The following MARCHF1 variants were observed in gnomAD, a reference collection of about 807,000 sequenced individuals.
The protein encoded by MARCHF1 is membrane associated ring-CH-type finger 1, also known as E3 ubiquitin-protein ligase MARCHF1.
MARCHF1 carries 40 observed loss-of-function variants against 54.2 expected under a neutral mutation model. The ratio of observed to expected loss-of-function variants is 0.74; its 90% CI spans 0.57 to 0.96. The LOEUF (loss-of-function observed/expected upper bound fraction) is 0.96. Among genes scored for constraint, MARCHF1 ranks in the 40% least tolerant of loss-of-function variants. The pLI is 0.00. For missense variants in MARCHF1, 586 were observed against 656.5 expected, an observed-to-expected ratio of 0.89 and a Z score of 1.17; for synonymous variants, 236 against 236.3, an observed-to-expected ratio of 1.00 and a Z score of 0.01.
chr4:163,766,324 T>A (rs567921834), intron 4 of MARCHF1, among the ~76,000 whole-genome samples: 5 of 152,260 alleles, frequency 3.3e-5, no homozygotes, highest in Non-Finnish European at 5.9e-5. Context: ...AGAAGTCCTA[T>A]AATGCTTATG....
intron 5 of MARCHF1, among the ~76,000 whole-genome samples, chr4:163,653,580 A>C (rs537120014): frequency 6.6e-6 from 1 of 151,830 alleles, no homozygotes; most frequent in South Asian, 2.1e-4. Context: ...GGTTGGATTT[A>C]GGACATATGC....
chr4:163,731,510 C>G (rs1745829494), intron 4 of MARCHF1, among the ~76,000 whole-genome samples: 1 of 152,126 alleles, frequency 6.6e-6, no homozygotes, highest in Admixed American at 6.6e-5. Flanking sequence ...GAGGGAAAAC[C>G]CAGGCAGTGA....
intron 1 of MARCHF1, among the ~76,000 whole-genome samples, chr4:164,305,678 T>G (rs1734677510): frequency 6.6e-6 from 1 of 152,174 alleles, no homozygotes; most frequent in Non-Finnish European, 1.5e-5. Flanking sequence ...TGACTAATAG[T>G]GAAAACTTCT....
At chr4:163,929,927 A>G (rs1442956462) in intron 3 of MARCHF1, among the ~76,000 whole-genome samples, 1 of 88,624 alleles carries the variant, frequency 1.1e-5, no homozygotes, top group Non-Finnish European at 2.1e-5. Context: ...TAATATATAT[A>G]ATATATTATA....
At chr4:163,737,192 G>GT (rs1746065662) in intron 4 of MARCHF1, among the ~76,000 whole-genome samples, 2 of 79,796 alleles carry the variant, frequency 2.5e-5, no homozygotes, top group Admixed American at 1.2e-4. Context: ...TCACATATTA[G>GT]TTTATTTATT....
chr4:163,924,386 A>G (rs1751495428), intron 3 of MARCHF1, among the ~76,000 whole-genome samples: 1 of 152,076 alleles, frequency 6.6e-6, no homozygotes, highest in Non-Finnish European at 1.5e-5. Flanking sequence ...ACTTGCATGT[A>G]AAATGTGGAC....
At chr4:164,336,660 A>C (rs1365844595) in intron 1 of MARCHF1, among the ~76,000 whole-genome samples, 1 of 152,212 alleles carries the variant, frequency 6.6e-6, no homozygotes, top group Non-Finnish European at 1.5e-5. Context: ...CTGTATAAGC[A>C]CTGCTTTTAT....
rs147750965 is a variant in MARCHF1 at position 163,995,244 on chromosome 4, G to T, written c.-247-6535C>A. Among the ~76,000 whole-genome samples, 33 of 152,166 alleles carry T rather than the reference G, an allele frequency of 2.2e-4. No individual in the cohort carries two copies. In the East Asian group the frequency reaches 6.4e-3, roughly 29 times the overall value. ...CTCAGGGAAATATTCAGGTGTATGGGTTTATTACAGAGGATACAGATGAAG... is the reference window on the plus strand; with the variant it reads ...CTCAGGGAAATATTCAGGTGTATGGTTTTATTACAGAGGATACAGATGAAG... On this transcript the variant is annotated intron_variant, in intron 2 of 9. Coordinates refer to ENST00000514618, the MANE Select transcript of MARCHF1 (RefSeq NM_001394959.1).
chr4:163,803,385 C>G (rs1748136263), intron 4 of MARCHF1, among the ~76,000 whole-genome samples: 1 of 149,788 alleles, frequency 6.7e-6, no homozygotes, highest in African/African-American at 2.5e-5. Context: ...GTTGGCCCGG[C>G]TGGTCTTGAA....
At chr4:163,970,167 AT>A (rs1752521491) in intron 3 of MARCHF1, among the ~76,000 whole-genome samples, 1 of 152,214 alleles carries the variant, frequency 6.6e-6, no homozygotes, top group Non-Finnish European at 1.5e-5. Context: ...TGTTAGGCAC[AT>A]GGTAGGTGTT....
intron 4 of MARCHF1, among the ~76,000 whole-genome samples, chr4:163,745,943 A>G (rs1277568400): frequency 6.6e-6 from 1 of 152,152 alleles, no homozygotes; most frequent in East Asian, 1.9e-4. Flanking sequence ...CCACAAGTGC[A>G]TAGCCTCCCC....
intron 1 of MARCHF1, among the ~76,000 whole-genome samples, chr4:164,254,706 G>A (rs1358889230): frequency 1.3e-5 from 2 of 151,988 alleles, no homozygotes; most frequent in Non-Finnish European, 2.9e-5. Context: ...TTCAAGGGCA[G>A]GAAGCATCCA....
At chr4:163,544,146 G>T (rs927210317) in intron 9 of MARCHF1, among the ~76,000 whole-genome samples, 4 of 152,110 alleles carry the variant, frequency 2.6e-5, no homozygotes, top group Admixed American at 1.3e-4. Flanking sequence ...ACTTGGGCCA[G>T]TACCTATATC....
intron 3 of MARCHF1, among the ~76,000 whole-genome samples, chr4:163,977,918 TA>T (rs1752681099): frequency 6.6e-6 from 1 of 152,060 alleles, no homozygotes; most frequent in Non-Finnish European, 1.5e-5. Flanking sequence ...ACCAGTAAAA[TA>T]AAAGGCAATC....
At chr4:163,635,473 C>G (rs1490093286) in intron 5 of MARCHF1, among the ~76,000 whole-genome samples, 1 of 148,538 alleles carries the variant, frequency 6.7e-6, no homozygotes, top group Non-Finnish European at 1.5e-5. Context: ...CACCTCTACA[C>G]AAATAAACTA....
At chr4:163,613,109 GA>G (rs752468708) in intron 6 of MARCHF1, 71 bp from the exon 7 acceptor site, 136 of 1,367,132 alleles carry the variant, frequency 9.9e-5, no homozygotes, top group Admixed American at 1.2e-4. Flanking sequence ...CAGAGAGAGA[GA>G]ATGATGAAAA....
chr4:164,356,780 C>CAAAAAAAAAAAAAAAA (rs58855405), intron 1 of MARCHF1, among the ~76,000 whole-genome samples: 2 of 103,276 alleles, frequency 1.9e-5, no homozygotes, highest in East Asian at 4.3e-4. Context: ...AAAAGAAAAG[C>CAAAAAAAAAAAAAAAA]AAAAAAAAAA....
intron 1 of MARCHF1, among the ~76,000 whole-genome samples, chr4:164,136,126 C>T (rs973077103): frequency 2.0e-5 from 3 of 151,212 alleles, no homozygotes; most frequent in Non-Finnish European, 4.4e-5. Flanking sequence ...TATATCCTCA[C>T]TGGGAGAGTG....
At chr4:164,017,974 TAA>T (rs1010802816) in intron 2 of MARCHF1, among the ~76,000 whole-genome samples, 13 of 151,788 alleles carry the variant, frequency 8.6e-5, no homozygotes, top group African/African-American at 3.1e-4. Flanking sequence ...GAGAAATAAA[TAA>T]AAAGTTTTGG....
Sources: allele counts gnomAD v4.1 joint callset (sites outside exome capture counted in the v4.1 genomes callset), GRCh38; gene constraint gnomAD v4.1.1; transcripts MANE v1.5; gene names NCBI Gene and HGNC (gene_info 2026-07-23, HGNC 2026-07-21).